CA10: variants seen among roughly 807,000 people sequenced by gnomAD.
CA10 encodes the protein carbonic anhydrase 10 (inactive), also known as carbonic anhydrase-related protein 10.
A neutral mutation model predicts 44.2 loss-of-function variants in CA10; 14 were observed. That is an observed-to-expected ratio of 0.32 (90% CI 0.21 to 0.50). The LOEUF (loss-of-function observed/expected upper bound fraction) is 0.50, where lower values mean the gene tolerates loss of function less well. Among genes scored for constraint, CA10 ranks in the 20% least tolerant of loss-of-function variants. The pLI is 0.99. For synonymous variants in CA10, 159 were observed against 141.6 expected (o/e 1.12, Z -0.87); for missense variants, 350 against 409.7 (o/e 0.85, Z 1.26).
At chr17:52,081,374 A>G (rs537132279) in intron 1 of CA10, among the ~76,000 whole-genome samples, 105 of 152,226 alleles carry the variant, frequency 6.9e-4, no homozygotes, top group Non-Finnish European at 1.4e-3. Context: ...AAAGTGGCCA[A>G]TAGGTGTGAT....
intron 3 of CA10, among the ~76,000 whole-genome samples, chr17:51,883,973 C>A (rs934755581): frequency 2.6e-5 from 4 of 152,118 alleles, no homozygotes; most frequent in African/African-American, 9.7e-5. Flanking sequence ...TTATATTTTT[C>A]TGCAAAATGA....
chr17:51,783,326 C>T (rs796952380), intron 3 of CA10, among the ~76,000 whole-genome samples: 1 of 152,124 alleles, frequency 6.6e-6, no homozygotes, highest in South Asian at 2.1e-4. Context: ...GTTTCACACA[C>T]CCTGGGTACT....
intron 1 of CA10, among the ~76,000 whole-genome samples, chr17:52,086,034 GATTCA>G (rs1382587991): frequency 1.3e-5 from 2 of 152,064 alleles, no homozygotes; most frequent in African/African-American, 2.4e-5. Flanking sequence ...AATTCGATAT[GATTCA>G]ATTCAATCAA....
chr17:51,647,820 A>G (rs1913399800), intron 6 of CA10, among the ~76,000 whole-genome samples: 1 of 152,238 alleles, frequency 6.6e-6, no homozygotes, highest in Non-Finnish European at 1.5e-5. Flanking sequence ...TGAGCAATCT[A>G]AGTGTGTGCT....
At chr17:52,148,802 T>C (rs1333141008) in intron 1 of CA10, among the ~76,000 whole-genome samples, 1 of 152,244 alleles carries the variant, frequency 6.6e-6, no homozygotes, top group Non-Finnish European at 1.5e-5. Flanking sequence ...ACACATTTTA[T>C]AGGGCAAAGA....
intron 3 of CA10, among the ~76,000 whole-genome samples, chr17:51,852,316 C>G (rs532243258): frequency 1.3e-5 from 2 of 152,248 alleles, no homozygotes; most frequent in East Asian, 3.9e-4. Context: ...GTGTTCTCCA[C>G]ACTATAATGA....
At position 51,881,923 on chromosome 17, in the gene CA10, A is replaced by G. The variant is rs137989142; in HGVS notation, c.279+49067T>C. On this transcript the variant is annotated intron_variant, in intron 3 of 8. Transcript: ENST00000451037. ...AATTTCACTTCTAGGCACATATCCT[A>G]TTGGAATGCTTGCTCACATGCATAA... 5.7e-4 allele frequency among the ~76,000 whole-genome samples: 87 copies of G among 152,288 alleles called. 3 individuals are homozygous for G. Among genetic ancestry groups the G allele is most frequent in the African/African-American group, 2.0e-3 (84 of 41,566 alleles).
At chr17:51,636,093 T>G in intron 6 of CA10, 84 bp from the exon 7 acceptor site, 1 of 647,448 alleles carries the variant, frequency 1.5e-6, no homozygotes, top group Non-Finnish European at 2.5e-6. Context: ...TACATACATA[T>G]ACATATACAT....
chr17:52,150,476 A>G (rs1297790796), intron 1 of CA10, among the ~76,000 whole-genome samples: 4 of 152,202 alleles, frequency 2.6e-5, no homozygotes, highest in East Asian at 1.9e-4. Flanking sequence ...TACCTGATGT[A>G]TAATGTATCC....
At chr17:51,843,799 G>T (rs61237371) in intron 3 of CA10, among the ~76,000 whole-genome samples, 9,675 of 152,182 alleles carry the variant, frequency 0.064, 393 homozygotes, top group African/African-American at 0.12. Flanking sequence ...AAAATTCAGG[G>T]AGTTCTTATT....
intron 3 of CA10, among the ~76,000 whole-genome samples, chr17:51,870,582 T>C (rs1440467063): frequency 6.6e-6 from 1 of 152,234 alleles, no homozygotes; most frequent in African/African-American, 2.4e-5. Context: ...AAACACCACA[T>C]ACATCCATAT....
chr17:52,006,658 G>A (rs1175150791), intron 2 of CA10, among the ~76,000 whole-genome samples: 1 of 151,752 alleles, frequency 6.6e-6, no homozygotes, highest in Non-Finnish European at 1.5e-5. Context: ...TTACATAAAT[G>A]TAATCATATA....
At chr17:51,870,837 A>AG (rs1274820972) in intron 3 of CA10, among the ~76,000 whole-genome samples, 1 of 152,254 alleles carries the variant, frequency 6.6e-6, no homozygotes, top group Non-Finnish European at 1.5e-5. Context: ...TAAGAAATAC[A>AG]GGGGGTGGTG....
intron 3 of CA10, among the ~76,000 whole-genome samples, chr17:51,849,264 T>TATATA (rs1333191928): frequency 7.4e-6 from 1 of 135,232 alleles, no homozygotes; most frequent in African/African-American, 2.7e-5. Flanking sequence ...TATATATATA[T>TATATA]AAAACTAAGT....
chr17:51,715,453 A>G (rs371863814), intron 4 of CA10, among the ~76,000 whole-genome samples: 1 of 152,190 alleles, frequency 6.6e-6, no homozygotes, highest in Non-Finnish European at 1.5e-5. Flanking sequence ...TTGTGGGTAC[A>G]TAATGCTTGT....
chr17:51,970,070 A>G (rs1984226435), intron 2 of CA10, among the ~76,000 whole-genome samples: 3 of 151,986 alleles, frequency 2.0e-5, no homozygotes, highest in Admixed American at 1.3e-4. Context: ...CGCACACCTC[A>G]GGCCAATGTA....
In CA10 at chr17:51,883,795, T is replaced by C. The variant is rs1442382715; in HGVS notation, c.279+47195A>G. Among the ~76,000 whole-genome samples, 4 of 152,176 alleles carry C rather than the reference T, an allele frequency of 2.6e-5. No individual in the cohort carries two copies. The East Asian group carries it at 7.7e-4, about 29-fold the overall frequency. ...GCCATGGCTTTAAATATCATCTATG[T>C]TAAATACACCTCAAAATTTTTCTTT... is the stretch of plus-strand genomic sequence containing the variant. On this transcript the variant is annotated intron_variant, in intron 3 of 8. Transcript: ENST00000451037.
intron 2 of CA10, among the ~76,000 whole-genome samples, chr17:51,993,598 T>A (rs1423046139): frequency 6.6e-6 from 1 of 152,052 alleles, no homozygotes; most frequent in Admixed American, 6.6e-5. Context: ...GAAGAAAAAT[T>A]CTAATTATTT....
At chr17:51,789,608 G>C (rs1173122973) in intron 3 of CA10, among the ~76,000 whole-genome samples, 1 of 152,090 alleles carries the variant, frequency 6.6e-6, no homozygotes, top group Non-Finnish European at 1.5e-5. Flanking sequence ...CAGTTTTGAA[G>C]CCTGTTTCTC....
Sources: gnomAD v4.1 joint callset for allele counts (sites outside exome capture counted in the v4.1 genomes callset) on GRCh38, gnomAD v4.1.1 for gene constraint, MANE v1.5 for transcripts, NCBI Gene and HGNC (gene_info 2026-07-23, HGNC 2026-07-21) for gene names.